The following ARCN1 variants were observed in gnomAD, a reference collection of about 807,000 sequenced individuals.
ARCN1 encodes the protein archain 1 coat protein complex I subunit delta, also known as coatomer subunit delta.
A neutral mutation model predicts 60.4 loss-of-function variants in ARCN1; 5 were observed. The ratio of observed to expected loss-of-function variants is 0.08; its 90% confidence interval spans 0.04 to 0.17. The LOEUF (loss-of-function observed/expected upper bound fraction) is 0.17, where lower values mean the gene tolerates loss of function less well. ARCN1 is among the 10% of genes least tolerant of loss of function. The pLI, the probability that ARCN1 is intolerant of heterozygous loss-of-function variation, is 1.00. For missense variants in ARCN1, 464 were observed against 626.5 expected (o/e 0.74, Z 2.77); for synonymous variants, 224 against 220.0 (o/e 1.02, Z -0.16).
intron 1 of ARCN1, chr11:118,572,756 G>C: frequency 1.9e-6 from 1 of 519,556 alleles, no homozygotes; most frequent in Non-Finnish European, 3.4e-6. Context: ...CTGTCGTCGT[G>C]CCCGCTTCCG....
intron 1 of ARCN1, among the ~76,000 whole-genome samples, chr11:118,574,624 T>A (rs1186982870): frequency 6.6e-6 from 1 of 152,136 alleles, no homozygotes; most frequent in African/African-American, 2.4e-5. Flanking sequence ...ATAAATTCCC[T>A]TTGGCTTTAG....
intron 2 of ARCN1, 108 bp downstream of exon 2, chr11:118,581,617 C>T: frequency 8.5e-7 from 1 of 1,180,344 alleles, no homozygotes; most frequent in Non-Finnish European, 1.2e-6. Flanking sequence ...GGTTCCTACT[C>T]CGCACCCCAG....
intron 8 of ARCN1, among the ~76,000 whole-genome samples, chr11:118,596,708 T>G (rs1253596594): frequency 6.6e-6 from 1 of 152,188 alleles, no homozygotes; most frequent in Admixed American, 6.5e-5. Flanking sequence ...GTCAGCCGTG[T>G]GTAGGGGTGC....
intron 1 of ARCN1, among the ~76,000 whole-genome samples, chr11:118,578,220 A>G (rs1039990400): frequency 7.3e-5 from 11 of 151,350 alleles, no homozygotes; most frequent in Non-Finnish European, 1.2e-4. Context: ...AATAAAGTGG[A>G]TAGTAACATA....
intron 5 of ARCN1, among the ~76,000 whole-genome samples, chr11:118,585,890 T>C (rs1938768013): frequency 1.3e-5 from 2 of 152,174 alleles, no homozygotes; most frequent in South Asian, 2.1e-4. Context: ...TTGATTCATC[T>C]CTTATCTCAG....
chr11:118,589,040 T>TA (rs1482026982), intron 5 of ARCN1, among the ~76,000 whole-genome samples: 3 of 151,612 alleles, frequency 2.0e-5, no homozygotes, highest in East Asian at 1.9e-4. Context: ...AACAAAAAGC[T>TA]AAAAAAACTA....
At chr11:118,583,565 A>G (rs1555074983) in intron 3 of ARCN1, among the ~76,000 whole-genome samples, 1 of 152,010 alleles carries the variant, frequency 6.6e-6, no homozygotes, top group African/African-American at 2.4e-5. Context: ...ACCAGACTGG[A>G]CAGCGTAGTG....
In ARCN1 at chr11:118,573,880, T is replaced by C. The variant is rs181224029; in HGVS notation, c.3+1330T>C. 1.8e-4 allele frequency: 87 copies of C among 485,920 alleles called. 1 individual carries two copies. In the Admixed American group the frequency reaches 2.6e-3, roughly 15 times the overall value. The allele number at this position is 485,920 out of a possible 1,614,324, so 30.1% of individuals were successfully genotyped here. On this transcript the variant is annotated intron_variant, in intron 1 of 9. Transcript: ENST00000264028. ...TATTTTCAGTTTCTCCAGGAGGTTC[T>C]GTATTTGGTTAGTGATTTTGAAACT...
At chr11:118,584,257 A>T (rs1476502289) in intron 4 of ARCN1, among the ~76,000 whole-genome samples, 1 of 152,212 alleles carries the variant, frequency 6.6e-6, no homozygotes, top group Non-Finnish European at 1.5e-5. Flanking sequence ...GAGTTGCCTT[A>T]TTGTGGGGAG....
At chr11:118,593,756 C>T (rs1938965143) in intron 8 of ARCN1, 58 bp downstream of exon 8, 2 of 1,215,586 alleles carry the variant, frequency 1.6e-6, no homozygotes, top group South Asian at 1.3e-5. Context: ...TTTTGGAACT[C>T]ATTTTGGAGT....
chr11:118,573,680 C>G, intron 1 of ARCN1: 1 of 702,680 alleles, frequency 1.4e-6, no homozygotes, highest in Non-Finnish European at 2.6e-6. Context: ...AATTTGGTGG[C>G]AATCCTAATA....
intron 9 of ARCN1, among the ~76,000 whole-genome samples, chr11:118,600,418 T>C (rs1939123173): frequency 6.6e-6 from 1 of 152,224 alleles, no homozygotes; most frequent in Non-Finnish European, 1.5e-5. Context: ...TTGTCTTTTC[T>C]CCATCTAGAA....
chr11:118,581,937 GACACACACACAC>G (rs34532442), intron 2 of ARCN1, among the ~76,000 whole-genome samples: 3 of 140,704 alleles, frequency 2.1e-5, no homozygotes, highest in East Asian at 2.6e-4. Context: ...CAGACAGACA[GACACACACACAC>G]ACACACACAC....
chr11:118,584,150 C>T, intron 4 of ARCN1, 136 bp downstream of exon 4: 6 of 874,544 alleles, frequency 6.9e-6, no homozygotes, highest in Middle Eastern at 7.2e-4. Flanking sequence ...CATTTGGCCA[C>T]ATACAATATG....
rs146986638 is a variant in ARCN1, at chr11:118,586,631, G to A, written c.818+1987G>A. On this transcript the variant is annotated intron_variant, in intron 5 of 9. Coordinates refer to ENST00000264028, the MANE Select transcript of ARCN1 (RefSeq NM_001655.5). ...GAGCTCAGGAGTTCAAGACCACCCT[G>A]GGCAACATGGTGAAACTCCATCTCC... Among the ~76,000 whole-genome samples, 23 of 152,016 alleles carry A rather than the reference G, an allele frequency of 1.5e-4. No individual in the cohort carries two copies. The East Asian group carries it at 3.3e-3, about 22-fold the overall frequency.
At position 118,584,481 on chromosome 11, in the gene ARCN1, C is replaced by A; in HGVS notation, c.655C>A (p.Pro219Thr). The A allele has an allele frequency of 1.2e-6, 2 of 1,604,786 alleles. No homozygotes were observed. Among genetic ancestry groups the A allele is most frequent in the Non-Finnish European group, 1.7e-6 (2 of 1,177,472 alleles). ...TGAATTTCAAATTCTTCCACTTAGG[C>A]CTTCAGGCCCCAGCAAGGCTTTAAA... ...KPKVAPAPAR[P>T]SGPSKALKLG... The change falls in exon 5 of 10, where the codon CCT becomes ACT. Residue 219 changes from proline to threonine, a missense_variant and splice_region_variant. Around this residue, in one of 2 missense-constraint regions of ARCN1, gnomAD observed 359 missense variants for 440.2 expected, o/e 0.82. Coordinates refer to ENST00000264028, the MANE Select transcript of ARCN1 (RefSeq NM_001655.5).
chr11:118,580,776 G>T (rs1481115165), intron 1 of ARCN1, among the ~76,000 whole-genome samples: 3 of 152,040 alleles, frequency 2.0e-5, no homozygotes, highest in Non-Finnish European at 2.9e-5. Context: ...ACTCGCTTTG[G>T]CCTCCCAAAG....
At chr11:118,597,948 T>C (rs1939066038) in intron 9 of ARCN1, 37 bp downstream of exon 9, 1 of 1,605,742 alleles carries the variant, frequency 6.2e-7, no homozygotes, top group African/African-American at 1.3e-5. Flanking sequence ...ATAGGGAAAG[T>C]GGTAGGACAG....
rs572981434 is a variant in ARCN1 at position 118,601,994 on chromosome 11, ACT to A, written c.*1285_*1286del. ...TCACCACCTCCCTCTTCCAGACTGCACTCTCTGTCATCAGTCCCCTCCTTTCT... is the reference window on the plus strand; with the variant it reads ...TCACCACCTCCCTCTTCCAGACTGCACTCTGTCATCAGTCCCCTCCTTTCT... On this transcript the variant is annotated 3_prime_UTR_variant, in exon 10 of 10. Transcript: ENST00000264028. 296 of 431,430 alleles carry A rather than the reference ACT, an allele frequency of 6.9e-4. No individual in the cohort carries two copies. Among genetic ancestry groups the A allele is most frequent in the African/African-American group, 5.3e-3 (269 of 50,308 alleles). The allele number at this position is 431,430 out of a possible 1,614,324, so 26.7% of individuals were successfully genotyped here.
Sources: allele counts gnomAD v4.1 joint callset (sites outside exome capture counted in the v4.1 genomes callset), GRCh38; gene constraint gnomAD v4.1.1; regional missense constraint gnomAD v4.1.1; transcripts MANE v1.5; gene names NCBI Gene and HGNC (gene_info 2026-07-23, HGNC 2026-07-21).